PIN4: variants seen among roughly 807,000 people sequenced by gnomAD.
PIN4 encodes the protein peptidyl-prolyl cis-trans isomerase NIMA-interacting 4.
PIN4 carries 3 observed loss-of-function variants against 8.3 expected under a neutral mutation model. The observed-to-expected ratio is 0.36, with a 90% CI of 0.16 to 0.93. PIN4 has a LOEUF of 0.93. Ranked by LOEUF, PIN4 falls within the 40% of genes least tolerant of loss-of-function variation. The pLI is 0.44. For missense variants in PIN4, 75 were observed against 100.6 expected (o/e 0.75, Z 1.09); for synonymous variants, 18 against 32.5 (o/e 0.55, Z 1.52).
chrX:72,192,087 G>A (rs1274019944), intron 2 of PIN4, among the ~76,000 whole-genome samples: 1 of 110,634 alleles, frequency 9.0e-6, no homozygotes, highest in African/African-American at 3.3e-5. Flanking sequence ...GAGTAGCTGG[G>A]ATTACAGGCA....
intron 1 of PIN4, among the ~76,000 whole-genome samples, chrX:72,182,883 CAG>C (rs1332198176): frequency 1.8e-5 from 2 of 111,544 alleles, no homozygotes; most frequent in East Asian, 2.8e-4. Flanking sequence ...AGAATGAAAA[CAG>C]AAACAAAGAC....
intron 3 of PIN4, among the ~76,000 whole-genome samples, chrX:72,232,754 G>A (rs1217442791): frequency 1.8e-5 from 2 of 111,867 alleles, no homozygotes; most frequent in Non-Finnish European, 3.8e-5. Context: ...AGGTTGCAGT[G>A]AGCTGAGATC....
At chrX:72,252,530 C>G (rs1367294083) in intron 3 of PIN4, among the ~76,000 whole-genome samples, 2 of 111,207 alleles carry the variant, frequency 1.8e-5, no homozygotes, top group Admixed American at 9.6e-5. Flanking sequence ...ACTGGGATTA[C>G]AGGCACGCGC....
chrX:72,232,273 TAAAA>T (rs56070381), intron 3 of PIN4, among the ~76,000 whole-genome samples: 40 of 61,423 alleles, frequency 6.5e-4, no homozygotes, highest in Middle Eastern at 9.3e-3. Context: ...GAAGGAGTAT[TAAAA>T]AAAAAAAAAA....
At chrX:72,239,087 C>T in intron 3 of PIN4, 1 of 452,185 alleles carries the variant, frequency 2.2e-6, no homozygotes, top group Non-Finnish European at 3.7e-6. Flanking sequence ...GGCCAATCCG[C>T]GACCACGCGC....
chrX:72,226,746 C>T (rs2042956070), intron 3 of PIN4, among the ~76,000 whole-genome samples: 1 of 111,610 alleles, frequency 9.0e-6, no homozygotes, highest in African/African-American at 3.3e-5. Flanking sequence ...AACATATCCC[C>T]TCCTTTTATC....
At chrX:72,216,057 C>T (rs748179764) in intron 3 of PIN4, among the ~76,000 whole-genome samples, 1 of 110,441 alleles carries the variant, frequency 9.1e-6, no homozygotes, top group Non-Finnish European at 1.9e-5. Flanking sequence ...TAAATAGAGT[C>T]CTCCAAAATT....
At chrX:72,202,580 A>G (rs902982987), downstream of PIN4, among the ~76,000 whole-genome samples, 1 of 112,188 alleles carries the variant, frequency 8.9e-6, no homozygotes, top group African/African-American at 3.2e-5. Flanking sequence ...CCTTCACATC[A>G]TGGTGGGAAG....
At chrX:72,248,913 C>A (rs1365315416) in intron 3 of PIN4, among the ~76,000 whole-genome samples, 1 of 111,087 alleles carries the variant, frequency 9.0e-6, no homozygotes, top group Admixed American at 9.6e-5. Context: ...AAAACCAATC[C>A]TCAGGCAAAA....
intron 3 of PIN4, among the ~76,000 whole-genome samples, chrX:72,236,907 T>C (rs2043020361): frequency 8.9e-6 from 1 of 112,443 alleles, no homozygotes; most frequent in African/African-American, 3.2e-5. Flanking sequence ...TGTAAGTGTA[T>C]CTGTAGAAGA....
chrX:72,215,777 G>A (rs188102904), intron 3 of PIN4, among the ~76,000 whole-genome samples: 1 of 110,738 alleles, frequency 9.0e-6, no homozygotes, highest in East Asian at 2.9e-4. Context: ...TATCTTTCTG[G>A]ACCTTTCTGC....
chrX:72,200,184 C>A (rs1398673544), downstream of PIN4, among the ~76,000 whole-genome samples: 1 of 108,114 alleles, frequency 9.2e-6, no homozygotes, highest in East Asian at 2.9e-4. Context: ...AAAGAGTTGA[C>A]AAATGAAAAA....
chrX:72,242,781 C>T (rs925569625), intron 3 of PIN4, among the ~76,000 whole-genome samples: 3 of 112,243 alleles, frequency 2.7e-5, no homozygotes, highest in Non-Finnish European at 3.8e-5. Flanking sequence ...TTGGGGAGGC[C>T]GAGGCGGGCG....
chrX:72,249,283 G>A (rs1229650107), intron 3 of PIN4, among the ~76,000 whole-genome samples: 1 of 112,177 alleles, frequency 8.9e-6, no homozygotes, highest in Non-Finnish European at 1.9e-5. Flanking sequence ...CCATGAGAAT[G>A]GCTATAATTT....
chrX:72,192,674 G>A (rs903559708), intron 2 of PIN4, among the ~76,000 whole-genome samples: 100 of 111,230 alleles, frequency 9.0e-4, no homozygotes, highest in Non-Finnish European at 1.4e-3. Context: ...GCTCACTGCA[G>A]CCTTCAATTC....
intron 3 of PIN4, among the ~76,000 whole-genome samples, chrX:72,249,728 TC>T (rs755444883): frequency 6.4e-4 from 72 of 111,866 alleles, no homozygotes; most frequent in Non-Finnish European, 1.9e-4. Flanking sequence ...TCAAAATGAA[TC>T]TATGATAGAA....
At chrX:72,184,880 C>T (rs748671137) in intron 1 of PIN4, among the ~76,000 whole-genome samples, 3 of 110,623 alleles carry the variant, frequency 2.7e-5, no homozygotes, top group African/African-American at 9.8e-5. Flanking sequence ...CGGTGGCTCA[C>T]GCCTGTAATC....
At chrX:72,263,107 C>T in exon 4 of PIN4, 1 of 178,055 alleles carries the variant, frequency 5.6e-6, no homozygotes, top group Non-Finnish European at 1.0e-5. Context: ...CAAGATGAGC[C>T]TTATGCACCT....
intron 3 of PIN4, among the ~76,000 whole-genome samples, chrX:72,224,670 G>A (rs139463801): frequency 1.1e-3 from 125 of 111,176 alleles, no homozygotes; most frequent in African/African-American, 4.0e-3. Flanking sequence ...GCTTGAATCC[G>A]GGAGGTGGAG....
Sources: allele counts gnomAD v4.1 joint callset (sites outside exome capture counted in the v4.1 genomes callset), GRCh38; gene constraint gnomAD v4.1.1; transcripts MANE v1.5; gene names NCBI Gene and HGNC (gene_info 2026-07-23, HGNC 2026-07-21).